Variants in TOP6BL observed in about 807,000 individuals in gnomAD.
TOP6BL encodes type 2 DNA topoisomerase 6 subunit B-like.
At chr11:66,822,078 T>C in the TOP6BL span, among the ~76,000 whole-genome samples, 1 of 152,236 alleles carries the variant, frequency 6.6e-6, no homozygotes, top group Non-Finnish European at 1.5e-5. Context: ...CACAGACTTC[T>C]GGAGCTGCTG....
chr11:66,819,251 CAT>C, the TOP6BL span, among the ~76,000 whole-genome samples: 8 of 152,050 alleles, frequency 5.3e-5, no homozygotes, highest in Admixed American at 5.2e-4. Context: ...GTGATTAACT[CAT>C]TTTTTTTTTC....
the TOP6BL span, among the ~76,000 whole-genome samples, chr11:66,770,584 A>G: frequency 6.6e-6 from 1 of 152,068 alleles, no homozygotes; most frequent in Admixed American, 6.6e-5. Context: ...GGTGCCTGTA[A>G]TCCCAGCTAC....
the TOP6BL span, among the ~76,000 whole-genome samples, chr11:66,804,451 G>T: frequency 6.6e-6 from 1 of 152,158 alleles, no homozygotes. Context: ...GAAGAGATGG[G>T]ACTAGAAAAG....
At chr11:66,760,857 A>C in the TOP6BL span, among the ~76,000 whole-genome samples, 1 of 152,088 alleles carries the variant, frequency 6.6e-6, no homozygotes, top group Non-Finnish European at 1.5e-5. Context: ...GAAAGGTATA[A>C]TGTTATAAAA....
the TOP6BL span, among the ~76,000 whole-genome samples, chr11:66,796,561 CT>C: frequency 1.3e-5 from 2 of 152,012 alleles, no homozygotes; most frequent in African/African-American, 4.8e-5. Context: ...GGGAGGATCG[CT>C]TGAGTCCAGG....
the TOP6BL span, among the ~76,000 whole-genome samples, chr11:66,747,019 C>T: frequency 6.6e-6 from 1 of 152,042 alleles, no homozygotes; most frequent in African/African-American, 2.4e-5. Context: ...TCACTGTGGC[C>T]TCCACCTCCC....
At chr11:66,800,085 A>T in the TOP6BL span, among the ~76,000 whole-genome samples, 1 of 152,078 alleles carries the variant, frequency 6.6e-6, no homozygotes, top group Non-Finnish European at 1.5e-5. Flanking sequence ...AAAAACCACA[A>T]AAAACTAACT....
the TOP6BL span, among the ~76,000 whole-genome samples, chr11:66,841,384 G>A: frequency 1.4e-4 from 22 of 152,126 alleles, no homozygotes; most frequent in African/African-American, 5.3e-4. Flanking sequence ...CCAAAGTGCT[G>A]GGATTACAGG....
At chr11:66,772,656 G>A in the TOP6BL span, among the ~76,000 whole-genome samples, 1 of 152,206 alleles carries the variant, frequency 6.6e-6, no homozygotes, top group South Asian at 2.1e-4. Flanking sequence ...TTTCTTCCCA[G>A]CTACTCCAAA....
At chr11:66,805,956 TA>T in the TOP6BL span, among the ~76,000 whole-genome samples, 3 of 152,140 alleles carry the variant, frequency 2.0e-5, no homozygotes, top group Admixed American at 6.5e-5. Context: ...TTCAGCAAGA[TA>T]AAAAAACATT....
chr11:66,820,742 C>T, the TOP6BL span, among the ~76,000 whole-genome samples: 1 of 152,220 alleles, frequency 6.6e-6, no homozygotes, highest in African/African-American at 2.4e-5. Context: ...TTCTCCTCTC[C>T]TTTGGGAGTC....
chr11:66,826,085 C>T, the TOP6BL span, among the ~76,000 whole-genome samples: 6 of 152,232 alleles, frequency 3.9e-5, no homozygotes, highest in South Asian at 2.1e-4. Flanking sequence ...CCTCGGGATC[C>T]GCCCGCCTTG....
the TOP6BL span, among the ~76,000 whole-genome samples, chr11:66,811,763 A>G: frequency 6.6e-6 from 1 of 152,196 alleles, no homozygotes; most frequent in South Asian, 2.1e-4. Context: ...TAACTTAAAA[A>G]GGAGATAAAA....
chr11:66,797,017 T>G, the TOP6BL span, among the ~76,000 whole-genome samples: 3 of 151,092 alleles, frequency 2.0e-5, no homozygotes, highest in Admixed American at 2.0e-4. Flanking sequence ...TTTTTTTTTT[T>G]GAGACAGAGT....
chr11:66,840,824 T>C, the TOP6BL span, among the ~76,000 whole-genome samples: 2 of 152,314 alleles, frequency 1.3e-5, no homozygotes, highest in South Asian at 4.1e-4. Context: ...TCATCTACTT[T>C]CCTCTGGTCA....
chr11:66,833,751 C>G, the TOP6BL span, among the ~76,000 whole-genome samples: 2 of 152,056 alleles, frequency 1.3e-5, no homozygotes, highest in African/African-American at 2.4e-5. Context: ...AGTTTGAAAC[C>G]TGCCTGGCAA....
the TOP6BL span, among the ~76,000 whole-genome samples, chr11:66,802,161 TA>T: frequency 6.6e-6 from 1 of 151,592 alleles, no homozygotes; most frequent in Non-Finnish European, 1.5e-5. Flanking sequence ...CATACGCTGC[TA>T]ATTTTTTTTT....
the TOP6BL span, chr11:66,744,773 A>ACTCGGGCGTGGG: frequency 1.6e-6 from 2 of 1,223,124 alleles, no homozygotes; most frequent in East Asian, 6.3e-5. Context: ...GTGGGCGTGG[A>ACTCGGGCGTGGG]CTCGGGCGTG....
the TOP6BL span, among the ~76,000 whole-genome samples, chr11:66,788,561 G>A: frequency 2.0e-5 from 3 of 152,262 alleles, no homozygotes; most frequent in Admixed American, 2.0e-4. Context: ...AAGCAATAGA[G>A]ATTTATTTTC....
Sources: gnomAD v4.1 joint callset for allele counts (sites outside exome capture counted in the v4.1 genomes callset) on GRCh38, gnomAD v4.1.1 for gene constraint, MANE v1.5 for transcripts, NCBI Gene and HGNC (gene_info 2026-07-23, HGNC 2026-07-21) for gene names.